The following TSPAN1 variants were observed in gnomAD, a reference collection of about 807,000 sequenced individuals.
The protein encoded by TSPAN1 is tetraspanin-1.
In TSPAN1, 23 loss-of-function variants were observed where a neutral mutation model predicts 26.9. The observed-to-expected ratio is 0.85, with a 90% CI of 0.62 to 1.21. The LOEUF (loss-of-function observed/expected upper bound fraction) is 1.21. Ranked by LOEUF, TSPAN1 falls within the 50% of genes most tolerant of loss-of-function variation. The pLI, the probability that TSPAN1 is intolerant of heterozygous loss-of-function variation, is 0.00. For missense variants in TSPAN1, 283 were observed against 298.4 expected (o/e 0.95, Z 0.38); for synonymous variants, 115 against 114.8 (o/e 1.00, Z -0.01).
At chr1:46,189,763 T>C, downstream of TSPAN1, 3 of 1,588,696 alleles carry the variant, frequency 1.9e-6, no homozygotes, top group Non-Finnish European at 2.6e-6. Flanking sequence ...GTTCTGAGGT[T>C]GAAGATTCCA....
Position 46,185,767 on chromosome 1 carries a change from G to C in TSPAN1, c.*234G>C. The C allele has an allele frequency of 1.7e-6, 1 of 595,128 alleles. No homozygotes were observed. Among genetic ancestry groups the C allele is most frequent in the Non-Finnish European group, 3.0e-6 (1 of 335,204 alleles). 36.9% of individuals were successfully genotyped at this position (595,128 alleles called of 1,614,324 possible). A position where few individuals can be genotyped will look rare whatever the true frequency, so the allele number is the denominator to read the frequency against. ...TGGGGGGCATTCCAGAGCCTCTAAGGTAGCCAGTTCTGTTGCCCATTCCCC... is the reference window on the plus strand; with the variant it reads ...TGGGGGGCATTCCAGAGCCTCTAAGCTAGCCAGTTCTGTTGCCCATTCCCC... On this transcript the variant is annotated 3_prime_UTR_variant, in exon 9 of 9. Transcript: ENST00000372003.
chr1:46,191,771 A>G, the TSPAN1 span: 1 of 357,242 alleles, frequency 2.8e-6, no homozygotes, highest in East Asian at 7.3e-5. Flanking sequence ...AGTAGCTGGG[A>G]CTACAGGCGC....
chr1:46,190,558 C>G, downstream of TSPAN1: 1 of 1,557,896 alleles, frequency 6.4e-7, no homozygotes, highest in Non-Finnish European at 8.9e-7. Context: ...GTGGGCAGGC[C>G]CTCAGGTCCC....
intron 3 of TSPAN1, chr1:46,183,375 G>A (rs1178493284): frequency 2.0e-5 from 3 of 152,256 alleles, no homozygotes; most frequent in South Asian, 2.1e-4. Context: ...CTCACTTCCC[G>A]TTCTAGCCTC....
At chr1:46,193,254 G>A in the TSPAN1 span, 1 of 1,614,084 alleles carries the variant, frequency 6.2e-7, no homozygotes, top group Non-Finnish European at 8.5e-7. Flanking sequence ...GAGCTTTAGG[G>A]TAGAAGGCAG....
At chr1:46,190,405 T>C (rs377221650), downstream of TSPAN1, 670 of 1,512,726 alleles carry the variant, frequency 4.4e-4, 5 homozygotes, top group South Asian at 3.3e-3. Flanking sequence ...CCCTGTAAAT[T>C]ATGGGGCCAA....
intron 1 of TSPAN1, among the ~76,000 whole-genome samples, chr1:46,177,348 AATATATC>A (rs1657200903): frequency 1.0e-5 from 1 of 100,034 alleles, no homozygotes; most frequent in South Asian, 4.2e-4. Flanking sequence ...AAAAAAAAAA[AATATATC>A]TATCTATCTA....
chr1:46,192,325 A>G, the TSPAN1 span: 2 of 1,614,116 alleles, frequency 1.2e-6, no homozygotes, highest in South Asian at 2.2e-5. Context: ...GGTGTAGGCC[A>G]CTTGGGCTCA....
At chr1:46,183,787 ACCC>A in intron 3 of TSPAN1, 2 of 273,282 alleles carry the variant, frequency 7.3e-6, no homozygotes, top group South Asian at 8.8e-5. Flanking sequence ...TTCTGCTACC[ACCC>A]CCGTCTCCAC....
At chr1:46,193,815 C>G in the TSPAN1 span, 2 of 1,612,392 alleles carry the variant, frequency 1.2e-6, no homozygotes, top group Non-Finnish European at 1.7e-6. Flanking sequence ...CCTAAGCACC[C>G]TCCTGTTCAG....
downstream of TSPAN1, chr1:46,190,176 C>T: frequency 1.3e-6 from 1 of 740,980 alleles, no homozygotes. Flanking sequence ...TCCCAAGTAG[C>T]TGGGACTACA....
intron 3 of TSPAN1, among the ~76,000 whole-genome samples, chr1:46,182,543 C>G (rs1302717211): frequency 6.6e-6 from 1 of 151,896 alleles, no homozygotes; most frequent in East Asian, 1.9e-4. Context: ...AACCCCGTCT[C>G]TACTAAAAAT....
the TSPAN1 span, chr1:46,195,523 C>T: frequency 2.1e-6 from 1 of 470,848 alleles, no homozygotes; most frequent in Non-Finnish European, 3.9e-6. Context: ...TCCACATTTA[C>T]TTGGCTGTTT....
the TSPAN1 span, chr1:46,192,196 T>C: frequency 6.2e-7 from 1 of 1,614,178 alleles, no homozygotes; most frequent in African/African-American, 1.3e-5. Flanking sequence ...TGTTCAGGCA[T>C]CCGCATCCAC....
chr1:46,191,548 C>T, the TSPAN1 span: 34,885 of 193,826 alleles, frequency 0.18, 3,255 homozygotes, highest in Admixed American at 0.25. Flanking sequence ...ACCAGCTGAC[C>T]CTTATATATG....
chr1:46,193,149 C>T, the TSPAN1 span: 1 of 1,614,056 alleles, frequency 6.2e-7, no homozygotes, highest in Non-Finnish European at 8.5e-7. Flanking sequence ...CTCCCAGGCC[C>T]AAGAGTTGTA....
downstream of TSPAN1, chr1:46,190,051 G>A: frequency 6.3e-7 from 1 of 1,593,562 alleles, no homozygotes; most frequent in Non-Finnish European, 8.6e-7. Flanking sequence ...GTGTCCCACA[G>A]GACCCTGTAC....
chr1:46,175,469 T>A (rs1657109198), intron 1 of TSPAN1, 60 bp downstream of exon 1: 1 of 397,466 alleles, frequency 2.5e-6, no homozygotes, highest in Non-Finnish European at 4.4e-6. Flanking sequence ...TTAACACCTC[T>A]GTGTGGAATA....
At chr1:46,188,975 C>T, downstream of TSPAN1, 1 of 1,608,800 alleles carries the variant, frequency 6.2e-7, no homozygotes, top group East Asian at 2.2e-5. Context: ...AGATTCTGAG[C>T]CAGGCCTGGA....
Sources: gnomAD v4.1 joint callset for allele counts (sites outside exome capture counted in the v4.1 genomes callset) on GRCh38, gnomAD v4.1.1 for gene constraint, MANE v1.5 for transcripts, NCBI Gene and HGNC (gene_info 2026-07-23, HGNC 2026-07-21) for gene names.